The following PPP1R36 variants were observed in gnomAD, a reference collection of about 807,000 sequenced individuals.
PPP1R36 encodes the protein chromosome 14 open reading frame 50.
Under a neutral mutation model 53.4 loss-of-function variants are expected in PPP1R36, and 47 were observed. The ratio of observed to expected loss-of-function variants is 0.88; its 90% CI spans 0.70 to 1.12. PPP1R36 has a LOEUF of 1.12. PPP1R36 is among the 50% of genes most tolerant of loss of function. The probability of loss-of-function intolerance (pLI) is 0.00; values close to 1 mark genes in which losing one functional copy is unlikely to be tolerated. For missense variants in PPP1R36, 456 were observed against 513.9 expected, an observed-to-expected ratio of 0.89 and a Z score of 1.09; for synonymous variants, 153 against 170.5, an observed-to-expected ratio of 0.90 and a Z score of 0.80.
chr14:64,567,461 A>G (rs1216457590), intron 6 of PPP1R36, among the ~76,000 whole-genome samples: 1 of 152,252 alleles, frequency 6.6e-6, no homozygotes, highest in Non-Finnish European at 1.5e-5. Context: ...TCTACATATA[A>G]TATCATAGAA....
In PPP1R36 at chr14:64,588,198, C is replaced by G. The variant is rs756352353; in HGVS notation, c.985C>G (p.Gln329Glu). The stretch of plus-strand genomic sequence containing the variant: ...GCTGCCATCTCTCAGAGAAAAAGCT[C>G]AAAACGTCTTTGAGAAAAAGTATCA... ...TLLPSLREKAQNVFEKKYHQV... is the reference protein window; with the variant it reads ...TLLPSLREKAENVFEKKYHQV... Residue 329 changes from glutamine to glutamate, a missense_variant, in exon 11 of 12, where the codon CAA becomes GAA. Gln to Glu is a conservative substitution (Grantham distance 29). Coordinates refer to ENST00000298705, the MANE Select transcript of PPP1R36 (RefSeq NM_172365.3). The G allele has an allele frequency of 6.2e-7, 1 of 1,614,140 alleles. No individual in the cohort carries two copies. Among genetic ancestry groups the G allele is most frequent in the East Asian group, 2.2e-5 (1 of 44,888 alleles).
intron 8 of PPP1R36, among the ~76,000 whole-genome samples, chr14:64,575,498 G>T (rs1187576856): frequency 1.3e-5 from 2 of 152,040 alleles, no homozygotes; most frequent in South Asian, 2.1e-4. Context: ...TTTAGTTTTT[G>T]TGTGTTATAA....
chr14:64,568,155 A>C (rs1420168258), intron 6 of PPP1R36, among the ~76,000 whole-genome samples, 194 bp from the exon 7 acceptor site: 2 of 152,196 alleles, frequency 1.3e-5, no homozygotes, highest in East Asian at 3.8e-4. Flanking sequence ...TTTTACTTAC[A>C]AAAACCAGAT....
chr14:64,552,864 G>A lies in PPP1R36; in HGVS notation c.182+3G>A, dbSNP rs1484774433. ...TGGCTCCTGAAACATCACCCTCAGT[G>A]AGTGTGAGACAGACAGTGAGATAGC... On this transcript the variant is annotated splice_donor_region_variant and intron_variant, in intron 3 of 11. Coordinates refer to ENST00000298705, the MANE Select transcript of PPP1R36 (RefSeq NM_172365.3). 2 of 1,612,758 alleles carry A rather than the reference G, an allele frequency of 1.2e-6. No individual in the cohort carries two copies. Among genetic ancestry groups the A allele is most frequent in the African/African-American group, 1.3e-5 (1 of 74,916 alleles).
chr14:64,556,592 G>A (rs2080154100), intron 3 of PPP1R36, among the ~76,000 whole-genome samples: 1 of 143,326 alleles, frequency 7.0e-6, no homozygotes, highest in Non-Finnish European at 1.5e-5. Context: ...TGAGACTTCT[G>A]TTCCCACAAT....
At chr14:64,552,776 C>T (rs775918961) in intron 2 of PPP1R36, 38 bp from the exon 3 acceptor site, 18 of 1,573,628 alleles carry the variant, frequency 1.1e-5, no homozygotes, top group African/African-American at 5.4e-5. Context: ...CTGAGTAACC[C>T]GTCACTTCAA....
intron 8 of PPP1R36, among the ~76,000 whole-genome samples, chr14:64,576,430 G>C (rs189819916): frequency 6.6e-6 from 1 of 152,260 alleles, no homozygotes; most frequent in Admixed American, 6.5e-5. Context: ...CCCAGGGTCT[G>C]AGAGGCACAG....
At chr14:64,581,210 G>A (rs528009905) in intron 8 of PPP1R36, among the ~76,000 whole-genome samples, 1 of 152,348 alleles carries the variant, frequency 6.6e-6, no homozygotes, top group Admixed American at 6.5e-5. Context: ...GTCATAAGCA[G>A]ATTCCAAGAT....
intron 3 of PPP1R36, among the ~76,000 whole-genome samples, chr14:64,554,139 A>ATTTTTTTTTTTTTTTTTTTTTTT (rs1235272685): frequency 9.2e-6 from 1 of 109,018 alleles, no homozygotes; most frequent in Non-Finnish European, 1.9e-5. Context: ...TCCCATCACA[A>ATTTTTTTTTTTTTTTTTTTTTTT]TTGTTTTTTT....
chr14:64,550,508 C>T (rs2080085904), intron 1 of PPP1R36, among the ~76,000 whole-genome samples: 1 of 152,190 alleles, frequency 6.6e-6, no homozygotes, highest in South Asian at 2.1e-4. Flanking sequence ...TGAGGCTGTC[C>T]TGGGTATCAG....
chr14:64,550,179 C>T, intron 1 of PPP1R36, 113 bp downstream of exon 1: 3 of 1,463,938 alleles, frequency 2.0e-6, no homozygotes, highest in Non-Finnish European at 1.8e-6. Flanking sequence ...GTCGCCTTCG[C>T]CCCGGGCTGG....
chr14:64,552,231 G>A (rs1596720502), intron 2 of PPP1R36, among the ~76,000 whole-genome samples: 1 of 152,350 alleles, frequency 6.6e-6, no homozygotes. Context: ...GCTCAAGCCT[G>A]TAATCCCAGC....
At chr14:64,556,127 A>ATTTT (rs35877479) in intron 3 of PPP1R36, among the ~76,000 whole-genome samples, 7 of 125,386 alleles carry the variant, frequency 5.6e-5, no homozygotes, top group Admixed American at 1.7e-4. Flanking sequence ...TTGTAGATTG[A>ATTTT]TTTTTTTTTT....
At chr14:64,565,087 G>A (rs543629136) in intron 4 of PPP1R36, among the ~76,000 whole-genome samples, 1 of 152,272 alleles carries the variant, frequency 6.6e-6, no homozygotes, top group African/African-American at 2.4e-5. Context: ...GAAAATGATA[G>A]GTACACCAGA....
intron 7 of PPP1R36, among the ~76,000 whole-genome samples, chr14:64,569,135 T>C (rs1596735975): frequency 6.6e-6 from 1 of 152,246 alleles, no homozygotes; most frequent in East Asian, 1.9e-4. Flanking sequence ...TTTAAATGCT[T>C]TAGCTTTAGG....
chr14:64,565,100 A>T (rs141493449), intron 4 of PPP1R36, among the ~76,000 whole-genome samples: 24 of 152,364 alleles, frequency 1.6e-4, no homozygotes, highest in Non-Finnish European at 2.6e-4. Flanking sequence ...ACACCAGAAC[A>T]GATGATTTAA....
intron 3 of PPP1R36, chr14:64,561,640 G>A (rs924575413): frequency 2.8e-6 from 1 of 358,074 alleles, no homozygotes; most frequent in Non-Finnish European, 5.6e-6. Flanking sequence ...GTAAATGAGG[G>A]TGCTGGTATA....
intron 8 of PPP1R36, among the ~76,000 whole-genome samples, chr14:64,578,009 AC>A (rs2080357136): frequency 7.7e-6 from 1 of 129,376 alleles, no homozygotes; most frequent in Non-Finnish European, 1.6e-5. Flanking sequence ...ACAGGCGTGA[AC>A]CACTGCACCT....
chr14:64,586,674 A>G (rs140595256), intron 8 of PPP1R36, 163 bp from the exon 9 acceptor site: 16 of 518,276 alleles, frequency 3.1e-5, no homozygotes, highest in African/African-American at 2.9e-4. Context: ...GTTGAATAAG[A>G]AAGTATTGAG....
Sources: allele counts gnomAD v4.1 joint callset (sites outside exome capture counted in the v4.1 genomes callset), GRCh38; gene constraint gnomAD v4.1.1; transcripts MANE v1.5; gene names NCBI Gene and HGNC (gene_info 2026-07-23, HGNC 2026-07-21).